The following TMTC4 variants were observed in gnomAD, a reference collection of about 807,000 sequenced individuals.
The protein encoded by TMTC4 is protein O-mannosyl-transferase TMTC4.
Under a neutral mutation model 86.0 loss-of-function variants are expected in TMTC4, and 65 were observed. The ratio of observed to expected loss-of-function variants is 0.76; its 90% CI spans 0.62 to 0.93. The LOEUF is 0.93. Among genes scored for constraint, TMTC4 ranks in the 40% least tolerant of loss-of-function variants. The probability of loss-of-function intolerance (pLI) is 0.00; values close to 1 mark genes in which losing one functional copy is unlikely to be tolerated. For synonymous variants in TMTC4, 379 were observed against 382.5 expected (o/e 0.99, Z 0.11); for missense variants, 866 against 948.1 (o/e 0.91, Z 1.14).
intron 12 of TMTC4, among the ~76,000 whole-genome samples, chr13:100,626,677 G>A (rs1380486378): frequency 3.3e-5 from 5 of 152,172 alleles, no homozygotes; most frequent in Non-Finnish European, 2.9e-5. Context: ...CTCCACTAGA[G>A]TTGAGATAAC....
At chr13:100,639,407 G>A (rs774099098) in intron 7 of TMTC4, among the ~76,000 whole-genome samples, 2 of 152,240 alleles carry the variant, frequency 1.3e-5, no homozygotes, top group Non-Finnish European at 2.9e-5. Context: ...CTAGAAGGCA[G>A]ATGCTCCCTG....
intron 17 of TMTC4, among the ~76,000 whole-genome samples, chr13:100,608,957 G>C (rs562128507): frequency 6.6e-6 from 1 of 152,346 alleles, no homozygotes; most frequent in East Asian, 1.9e-4. Flanking sequence ...AGGCGAGGAA[G>C]CCTGGGTGGG....
intron 6 of TMTC4, among the ~76,000 whole-genome samples, chr13:100,656,010 G>A (rs1885063851): frequency 6.6e-6 from 1 of 152,212 alleles, no homozygotes; most frequent in Non-Finnish European, 1.5e-5. Flanking sequence ...TGGAAGCTAT[G>A]AAAGGATAGC....
At chr13:100,646,095 T>G (rs1357502996) in intron 6 of TMTC4, among the ~76,000 whole-genome samples, 1 of 152,090 alleles carries the variant, frequency 6.6e-6, no homozygotes, top group Non-Finnish European at 1.5e-5. Flanking sequence ...CAGGCCCCAC[T>G]GAGATCTGAT....
In TMTC4 at chr13:100,605,917, C is replaced by T. The variant is rs536552049; in HGVS notation, c.2134+441G>A. Among the ~76,000 whole-genome samples, 88 of 152,110 alleles carry T rather than the reference C, an allele frequency of 5.8e-4. No individual in the cohort carries two copies. Among genetic ancestry groups the T allele is most frequent in the East Asian group, 3.9e-4 (2 of 5,184 alleles). ...ATAAATGATTATAAATGCATTTTAG[C>T]CAAGGCATAAGAGGATATAAAGCAG... On this transcript the variant is annotated intron_variant, in intron 18 of 18. Coordinates refer to ENST00000342624, the MANE Select transcript of TMTC4 (RefSeq NM_032813.5). This position sits in a 1 kb window ranked among gnomAD's most constrained non-coding sequence, Gnocchi z 4.3.
intron 15 of TMTC4, among the ~76,000 whole-genome samples, chr13:100,619,064 C>T (rs889300244): frequency 1.9e-4 from 29 of 152,028 alleles, no homozygotes; most frequent in Admixed American, 1.6e-3. Flanking sequence ...CCAGTAGGGG[C>T]GGCCGGGCAG....
intron 5 of TMTC4, 61 bp downstream of exon 5, chr13:100,662,903 A>C: frequency 1.3e-6 from 2 of 1,584,130 alleles, no homozygotes; most frequent in Admixed American, 3.5e-5. Context: ...AAACCAGGCG[A>C]CATGGGGGTG....
intron 17 of TMTC4, among the ~76,000 whole-genome samples, chr13:100,609,676 TATATACACAC>T (rs996972258): frequency 4.2e-5 from 6 of 143,936 alleles, no homozygotes; most frequent in Non-Finnish European, 7.5e-5. Context: ...TAAATGTATA[TATATACACAC>T]ACACACACAC....
At position 100,661,755 on chromosome 13, in the gene TMTC4, A is replaced by C. The variant is rs60635635; in HGVS notation, c.552+1209T>G. Among the ~76,000 whole-genome samples the C allele has an allele frequency of 2.0e-3, 298 of 152,366 alleles. 2 individuals are homozygous for C. Among genetic ancestry groups the C allele is most frequent in the African/African-American group, 7.1e-3 (295 of 41,586 alleles). On this transcript the variant is annotated intron_variant, in intron 5 of 18. Transcript: ENST00000342624. ...ACACTCTTGATACTGAAGAATAGAC[A>C]ATTTACTAAAGTCAGATGCTAAAAA...
chr13:100,655,031 T>C (rs1205080496), intron 6 of TMTC4, among the ~76,000 whole-genome samples: 1 of 149,836 alleles, frequency 6.7e-6, no homozygotes, highest in East Asian at 2.0e-4. Context: ...TTTTTTTTTT[T>C]TTTTTTGTGA....
intron 12 of TMTC4, among the ~76,000 whole-genome samples, chr13:100,632,051 ACACTCTCTCTCT>A (rs1437392181): frequency 0.13 from 3,558 of 28,084 alleles, 34 homozygotes; most frequent in African/African-American, 0.17. Flanking sequence ...ACACACACAC[ACACTCTCTCTCT>A]CTCTCTCTCT....
At chr13:100,655,984 CT>C (rs1345085615) in intron 6 of TMTC4, among the ~76,000 whole-genome samples, 1 of 152,206 alleles carries the variant, frequency 6.6e-6, no homozygotes, top group Admixed American at 6.5e-5. Flanking sequence ...CTCCCTGGCT[CT>C]TTCCAAGCCA....
In TMTC4 at chr13:100,667,354, C is replaced by T. The variant is rs148500274; in HGVS notation, c.219+1225G>A. ...TGAGGCAGTAGAATTGCTTGAACCC[C>T]GGAGGCAGAGGTTGTAGTGAGCCAA... On this transcript the variant is annotated intron_variant, in intron 3 of 18. Coordinates refer to ENST00000342624, the MANE Select transcript of TMTC4 (RefSeq NM_032813.5). 7.7e-3 allele frequency among the ~76,000 whole-genome samples: 1,161 copies of T among 151,714 alleles called. 9 individuals are homozygous for T. Among genetic ancestry groups the T allele is most frequent in the Non-Finnish European group, 0.012 (788 of 67,910 alleles).
intron 15 of TMTC4, among the ~76,000 whole-genome samples, chr13:100,615,143 T>G (rs967494739): frequency 6.6e-6 from 1 of 152,066 alleles, no homozygotes; most frequent in Non-Finnish European, 1.5e-5. Context: ...TTATTATTAT[T>G]ATTTTTATTT....
Position 100,636,823 on chromosome 13 carries a change from T to C in TMTC4, c.1000-89A>G, listed in dbSNP as rs910112343. On this transcript the variant is annotated intron_variant, in intron 9 of 18. Coordinates refer to ENST00000342624, the MANE Select transcript of TMTC4 (RefSeq NM_032813.5). ...ACTAACTTCACTTTGGAGGCACTCA[T>C]ATGCTTCTGCTCAATGAAAGCAGTT... The C allele has an allele frequency of 8.9e-6, 12 of 1,342,516 alleles. No individual in the cohort carries two copies. The African/African-American group carries it at 1.3e-4, about 15-fold the overall frequency. The allele number at this position is 1,342,516 out of a possible 1,614,324, so 83.2% of individuals were successfully genotyped here.
At chr13:100,606,897 T>C (rs1332454295) in intron 17 of TMTC4, among the ~76,000 whole-genome samples, 1 of 152,138 alleles carries the variant, frequency 6.6e-6, no homozygotes, top group African/African-American at 2.4e-5. Context: ...CTGGAAAGAA[T>C]GTGCAGAAAA....
intron 5 of TMTC4, among the ~76,000 whole-genome samples, chr13:100,659,866 G>C (rs1415245657): frequency 6.8e-6 from 1 of 148,108 alleles, no homozygotes; most frequent in Non-Finnish European, 1.5e-5. Flanking sequence ...CTTTAAAATG[G>C]AAAATCCCCA....
intron 15 of TMTC4, chr13:100,614,961 C>T (rs1348289388): frequency 1.0e-6 from 1 of 984,864 alleles, no homozygotes; most frequent in Admixed American, 6.2e-5. Flanking sequence ...CCTCTTCCTG[C>T]CTGTGTCTAA....
rs79473386 is a variant in TMTC4, at chr13:100,613,304, C to T, written c.1952-794G>A. 4.8e-3 allele frequency among the ~76,000 whole-genome samples: 727 copies of T among 152,218 alleles called. 4 individuals are homozygous for T. Among genetic ancestry groups the T allele is most frequent in the Non-Finnish European group, 5.7e-3 (389 of 68,018 alleles). ...TTCCACGAGGTCCATTTTTCCAGAT[C>T]CCCCATGAGTGAGAGCATGTGATAT... On this transcript the variant is annotated intron_variant, in intron 16 of 18. Transcript: ENST00000342624.
Sources: gnomAD v4.1 joint callset for allele counts (sites outside exome capture counted in the v4.1 genomes callset) on GRCh38, gnomAD v4.1.1 for gene constraint, Gnocchi (gnomAD v3.1) non-coding constraint, MANE v1.5 for transcripts, NCBI Gene and HGNC (gene_info 2026-07-23, HGNC 2026-07-21) for gene names.